Variants in TTC39B observed in about 807,000 individuals in gnomAD.
TTC39B encodes tetratricopeptide repeat domain 39B.
TTC39B carries 92 observed loss-of-function variants against 96.6 expected under a neutral mutation model. The observed-to-expected ratio is 0.95, with a 90% CI of 0.80 to 1.13. TTC39B has a LOEUF of 1.13. Among genes scored for constraint, TTC39B ranks in the 50% most tolerant of loss-of-function variants. TTC39B has a pLI of 0.00. For synonymous variants in TTC39B, 367 were observed against 299.4 expected (o/e 1.23, Z -2.33); for missense variants, 955 against 809.3 (o/e 1.18, Z -2.18).
chr9:15,260,584 A>G (rs1822908281), intron 2 of TTC39B, among the ~76,000 whole-genome samples: 1 of 151,892 alleles, frequency 6.6e-6, no homozygotes, highest in Non-Finnish European at 1.5e-5. Flanking sequence ...TAAAACAGGC[A>G]AAACTATTGT....
intron 3 of TTC39B, among the ~76,000 whole-genome samples, chr9:15,215,449 C>T (rs942554645): frequency 2.7e-5 from 4 of 149,504 alleles, no homozygotes; most frequent in South Asian, 4.2e-4. Context: ...CCCAGCTACT[C>T]GGGAGGCTGA....
intron 1 of TTC39B, among the ~76,000 whole-genome samples, chr9:15,276,762 A>C (rs1232001344): frequency 2.0e-5 from 3 of 152,322 alleles, no homozygotes; most frequent in African/African-American, 7.2e-5. Context: ...CCAGCCTTTC[A>C]ATCCTCTACT....
At chr9:15,301,664 G>A (rs1824594943) in intron 1 of TTC39B, among the ~76,000 whole-genome samples, 1 of 151,724 alleles carries the variant, frequency 6.6e-6, no homozygotes, top group Non-Finnish European at 1.5e-5. Context: ...ACTGAGGCAG[G>A]AGAATCACTT....
At chr9:15,185,899 C>T (rs906374611) in intron 15 of TTC39B, among the ~76,000 whole-genome samples, 1 of 152,156 alleles carries the variant, frequency 6.6e-6, no homozygotes, top group African/African-American at 2.4e-5. Flanking sequence ...AGACAGCCAA[C>T]AATTAACGTA....
At chr9:15,217,938 G>A (rs183078551) in intron 3 of TTC39B, among the ~76,000 whole-genome samples, 4 of 152,078 alleles carry the variant, frequency 2.6e-5, no homozygotes, top group East Asian at 3.9e-4. Context: ...AGCCAGGTGC[G>A]GTGGCTCACG....
At chr9:15,241,068 C>T (rs1016760621) in intron 2 of TTC39B, among the ~76,000 whole-genome samples, 1 of 152,112 alleles carries the variant, frequency 6.6e-6, no homozygotes, top group Non-Finnish European at 1.5e-5. Flanking sequence ...TAATACCAGC[C>T]GTGTTTCCCA....
intron 1 of TTC39B, among the ~76,000 whole-genome samples, chr9:15,297,071 G>A (rs370587048): frequency 1.3e-5 from 2 of 152,300 alleles, no homozygotes; most frequent in African/African-American, 4.8e-5. Flanking sequence ...CAATCTGGCT[G>A]GAACACACTC....
At chr9:15,268,984 TC>T (rs370186621) in intron 1 of TTC39B, among the ~76,000 whole-genome samples, 5 of 152,266 alleles carry the variant, frequency 3.3e-5, no homozygotes, top group African/African-American at 1.2e-4. Flanking sequence ...CCTTACTCAC[TC>T]GACTCCAGCC....
At chr9:15,207,206 G>A (rs925031119) in intron 6 of TTC39B, among the ~76,000 whole-genome samples, 3 of 152,228 alleles carry the variant, frequency 2.0e-5, no homozygotes, top group Non-Finnish European at 2.9e-5. Flanking sequence ...GTGTGAAAAT[G>A]GACTAATACA....
At chr9:15,218,635 A>AAAATATATATATATATATATATATATAT (rs374054306) in intron 3 of TTC39B, among the ~76,000 whole-genome samples, 3 of 149,528 alleles carry the variant, frequency 2.0e-5, no homozygotes, top group African/African-American at 7.4e-5. Context: ...GTCTATTTTA[A>AAAATATATATATATATATATATATATAT]ATATATATAT....
At position 15,306,044 on chromosome 9, in the gene TTC39B, C is replaced by A. The variant is rs1258981714; in HGVS notation, c.240+1040G>T. Among the ~76,000 whole-genome samples, 1 of 152,172 alleles carries A rather than the reference C, an allele frequency of 6.6e-6. No homozygotes were observed. The highest frequency in any genetic ancestry group is 2.4e-5 in the African/African-American group (1 of 41,446). On this transcript the variant is annotated intron_variant, in intron 1 of 19. Transcript: ENST00000512701. The surrounding 1 kb of genome is among the most constrained non-coding windows in gnomAD (Gnocchi z 5.1). Reference sequence around the variant, plus strand: ...TTACGGAGCACATTTAAAGTATAGTCTTCCTTGTCAGGAGATTCCTGGCAC... The same window carrying A: ...TTACGGAGCACATTTAAAGTATAGTATTCCTTGTCAGGAGATTCCTGGCAC...
At chr9:15,184,501 CT>C (rs1375667986) in intron 16 of TTC39B, among the ~76,000 whole-genome samples, 1 of 151,390 alleles carries the variant, frequency 6.6e-6, no homozygotes, top group Non-Finnish European at 1.5e-5. Context: ...CCTGTGCTGA[CT>C]ATCTATATAA....
At chr9:15,223,276 A>G (rs1820946499) in intron 3 of TTC39B, among the ~76,000 whole-genome samples, 1 of 152,218 alleles carries the variant, frequency 6.6e-6, no homozygotes, top group African/African-American at 2.4e-5. Context: ...ACTCTGTAAG[A>G]CTAAACAAGT....
At chr9:15,286,029 C>T (rs10283833) in intron 1 of TTC39B, among the ~76,000 whole-genome samples, 5,465 of 152,256 alleles carry the variant, frequency 0.036, 346 homozygotes, top group African/African-American at 0.12. Flanking sequence ...CATTTGAGAG[C>T]GAATTGTAAA....
chr9:15,228,475 A>G (rs1003112914), intron 2 of TTC39B, among the ~76,000 whole-genome samples: 2 of 152,154 alleles, frequency 1.3e-5, no homozygotes, highest in Admixed American at 6.5e-5. Context: ...AAAAAATAAA[A>G]ACAGTAATAA....
intron 2 of TTC39B, among the ~76,000 whole-genome samples, chr9:15,260,857 T>C (rs1822919638): frequency 6.6e-6 from 1 of 152,272 alleles, no homozygotes; most frequent in Admixed American, 6.5e-5. Context: ...TACAGGTAAG[T>C]ACAAATTCAG....
intron 1 of TTC39B, among the ~76,000 whole-genome samples, chr9:15,271,788 T>C (rs1823362650): frequency 6.6e-6 from 1 of 152,200 alleles, no homozygotes; most frequent in African/African-American, 2.4e-5. Flanking sequence ...TAAATACTAG[T>C]TCCTCAAATA....
rs553707333 is a variant in TTC39B, at chr9:15,244,299, CTG to C, written c.276-18289_276-18288del. On this transcript the variant is annotated intron_variant, in intron 2 of 19. Transcript: ENST00000512701. Reference sequence around the variant, plus strand: ...TGAATTATCCTCTCTTACCACATGACTGGAGCGTGATTTAGGAGAAGGCATGC... The same window carrying C: ...TGAATTATCCTCTCTTACCACATGACGAGCGTGATTTAGGAGAAGGCATGC... 3.9e-5 allele frequency among the ~76,000 whole-genome samples: 6 copies of C among 152,354 alleles called. No homozygotes were observed. The East Asian group carries it at 1.2e-3, about 29-fold the overall frequency.
chr9:15,292,654 C>T (rs1824231713), intron 1 of TTC39B, among the ~76,000 whole-genome samples: 1 of 152,120 alleles, frequency 6.6e-6, no homozygotes, highest in Admixed American at 6.5e-5. Flanking sequence ...AAGACTGTGA[C>T]ATTGGTGATC....
Sources: allele counts gnomAD v4.1 joint callset (sites outside exome capture counted in the v4.1 genomes callset), GRCh38; gene constraint gnomAD v4.1.1; non-coding constraint Gnocchi (gnomAD v3.1); transcripts MANE v1.5; gene names NCBI Gene and HGNC (gene_info 2026-07-23, HGNC 2026-07-21).